The following TYW1B variants were observed in gnomAD, a reference collection of about 807,000 sequenced individuals.
TYW1B encodes the protein S-adenosyl-L-methionine-dependent tRNA 4-demethylwyosine synthase TYW1B.
TYW1B carries 73 observed loss-of-function variants against 86.9 expected under a neutral mutation model. The observed-to-expected ratio is 0.84, with a 90% CI of 0.70 to 1.02. The LOEUF is 1.02. Ranked by LOEUF, TYW1B falls within the 50% of genes least tolerant of loss-of-function variation. The pLI, the probability that TYW1B is intolerant of heterozygous loss-of-function variation, is 0.00. For missense variants in TYW1B, 637 were observed against 827.4 expected (o/e 0.77, Z 2.82); for synonymous variants, 248 against 292.8 (o/e 0.85, Z 1.56).
intron 11 of TYW1B, among the ~76,000 whole-genome samples, chr7:72,654,715 T>C (rs560888052): frequency 2.2e-4 from 34 of 152,244 alleles, no homozygotes; most frequent in African/African-American, 7.7e-4. Context: ...ACCCCATCTC[T>C]ACTGAAAATA....
At chr7:72,820,957 T>C (rs1554480333) in intron 2 of TYW1B, among the ~76,000 whole-genome samples, 2 of 152,110 alleles carry the variant, frequency 1.3e-5, no homozygotes. Context: ...AGACAAAGAA[T>C]TCGCACACTT....
chr7:72,823,569 G>A (rs371585806), intron 2 of TYW1B, among the ~76,000 whole-genome samples: 6 of 151,844 alleles, frequency 4.0e-5, no homozygotes, highest in South Asian at 2.1e-4. Context: ...GCAGTGAGCC[G>A]AGATCGCGCC....
chr7:72,680,756 G>A (rs1477685214), intron 11 of TYW1B, among the ~76,000 whole-genome samples: 31 of 152,034 alleles, frequency 2.0e-4, no homozygotes, highest in African/African-American at 7.5e-4. Flanking sequence ...GATATGGAAC[G>A]ATAAACACCA....
In TYW1B at chr7:72,826,955, G is replaced by C; in HGVS notation, c.35C>G (p.Ser12Ter). ...DPSADTWDLSSPLISLWINRF... is the reference protein window; with the variant it reads ...DPSADTWDLS ...GTTTATCCATAATGATATTAAAGGT[G>C]AGGAGAGGTCCCATGTATCCGCAGA... The change falls in exon 2 of 14, where the codon TCA becomes TGA. Residue 12 changes from serine to a stop codon, truncating the protein, a stop_gained. Transcript: ENST00000620995. LOFTEE classifies it high-confidence loss of function. 1 of 1,613,338 alleles carries C rather than the reference G, an allele frequency of 6.2e-7. No homozygotes were observed. Among genetic ancestry groups the C allele is most frequent in the South Asian group, 1.1e-5 (1 of 90,896 alleles).
intron 7 of TYW1B, among the ~76,000 whole-genome samples, chr7:72,775,512 A>G (rs1433028223): frequency 2.0e-5 from 3 of 152,210 alleles, no homozygotes; most frequent in African/African-American, 7.2e-5. Context: ...AGGACAGTGC[A>G]GTAACATCTG....
intron 6 of TYW1B, among the ~76,000 whole-genome samples, chr7:72,779,583 G>A (rs1788014742): frequency 6.6e-6 from 1 of 151,864 alleles, no homozygotes; most frequent in South Asian, 2.1e-4. Flanking sequence ...CAGGCATGGT[G>A]GCAGGCACCT....
intron 9 of TYW1B, among the ~76,000 whole-genome samples, chr7:72,719,714 A>G (rs1478095287): frequency 6.6e-5 from 10 of 151,552 alleles, no homozygotes; most frequent in African/African-American, 2.4e-4. Flanking sequence ...GTGGGGTGCC[A>G]AGAGGAAAAA....
intron 7 of TYW1B, among the ~76,000 whole-genome samples, chr7:72,775,700 C>A (rs1389152706): frequency 5.9e-5 from 9 of 151,324 alleles, no homozygotes; most frequent in Non-Finnish European, 1.0e-4. Context: ...TCAAAAAGTC[C>A]TTGGAGTCGC....
intron 13 of TYW1B, among the ~76,000 whole-genome samples, chr7:72,611,936 T>C (rs1811943027): frequency 1.3e-5 from 2 of 152,100 alleles, no homozygotes; most frequent in Non-Finnish European, 2.9e-5. Flanking sequence ...TAACAACTAT[T>C]TATTAACTGC....
chr7:72,755,123 A>G (rs1787564192), intron 7 of TYW1B, among the ~76,000 whole-genome samples: 1 of 152,200 alleles, frequency 6.6e-6, no homozygotes. Flanking sequence ...ATGGAATAAC[A>G]GAAGTGTCAT....
chr7:72,631,006 G>A (rs1210562051), intron 11 of TYW1B, among the ~76,000 whole-genome samples: 1 of 152,028 alleles, frequency 6.6e-6, no homozygotes, highest in African/African-American at 2.4e-5. Flanking sequence ...CATTATACTA[G>A]TAGTTCAACA....
At chr7:72,808,466 T>C (rs1219018301) in intron 4 of TYW1B, among the ~76,000 whole-genome samples, 70 of 148,812 alleles carry the variant, frequency 4.7e-4, no homozygotes, top group African/African-American at 1.6e-3. Context: ...AAAATGTTTT[T>C]AATGAAAATA....
At chr7:72,823,535 G>A (rs1788871420) in intron 2 of TYW1B, among the ~76,000 whole-genome samples, 2 of 151,860 alleles carry the variant, frequency 1.3e-5, no homozygotes, top group African/African-American at 4.8e-5. Flanking sequence ...CAGAAGAATC[G>A]CTTGAACCCG....
chr7:72,788,270 C>T (rs1355251443), intron 6 of TYW1B, among the ~76,000 whole-genome samples: 1 of 152,044 alleles, frequency 6.6e-6, no homozygotes. Context: ...TGAGCCACTG[C>T]ACCCGGCCTC....
intron 11 of TYW1B, among the ~76,000 whole-genome samples, chr7:72,678,876 C>G (rs1813803173): frequency 6.6e-6 from 1 of 151,860 alleles, no homozygotes; most frequent in African/African-American, 2.4e-5. Flanking sequence ...GTAGGAGGAT[C>G]ACTTGAGGCC....
intron 11 of TYW1B, among the ~76,000 whole-genome samples, chr7:72,652,153 G>A (rs1347853507): frequency 6.6e-5 from 10 of 152,110 alleles, no homozygotes; most frequent in African/African-American, 2.2e-4. Flanking sequence ...TGAGGCAGGC[G>A]GATCACGAGG....
chr7:72,794,184 G>A (rs1563096089), intron 6 of TYW1B, among the ~76,000 whole-genome samples: 1 of 152,210 alleles, frequency 6.6e-6, no homozygotes, highest in African/African-American at 2.4e-5. Flanking sequence ...CATTGGTCAA[G>A]TAGAGCAGAG....
At chr7:72,815,319 G>A in intron 3 of TYW1B, 61 bp downstream of exon 3, 2 of 1,384,380 alleles carry the variant, frequency 1.4e-6, no homozygotes, top group Non-Finnish European at 2.0e-6. Context: ...TAAATTTACT[G>A]TGAAGATTGC....
At position 72,719,654 on chromosome 7, in the gene TYW1B, G is replaced by A. The variant is rs1425048685; in HGVS notation, c.1193-5856C>T. ...TCCAAAAAAAAAAAAAAAAAAAAAA[G>A]AAGGTGATAGGCACGTGGAGAAGAA... On this transcript the variant is annotated intron_variant, in intron 9 of 13. Coordinates refer to ENST00000620995, the MANE Select transcript of TYW1B (RefSeq NM_001145440.3). 6.8e-3 allele frequency among the ~76,000 whole-genome samples: 634 copies of A among 92,886 alleles called. 4 individuals carry two copies. The highest frequency in any genetic ancestry group is 0.023 in the African/African-American group (608 of 26,654). The allele number at this position is 92,886 out of a possible 152,430, so 60.9% of individuals were successfully genotyped here.
Sources: allele counts gnomAD v4.1 joint callset (sites outside exome capture counted in the v4.1 genomes callset), GRCh38; gene constraint gnomAD v4.1.1; transcripts MANE v1.5; gene names NCBI Gene and HGNC (gene_info 2026-07-23, HGNC 2026-07-21).